LRP1B: variants seen among roughly 807,000 people sequenced by gnomAD.
LRP1B encodes the protein low-density lipoprotein receptor-related protein 1B.
In LRP1B, 217 loss-of-function variants were observed where a neutral mutation model predicts 556.6. That is an observed-to-expected ratio of 0.39 (90% CI 0.35 to 0.44). The LOEUF is 0.44. Ranked by LOEUF, LRP1B falls within the 20% of genes least tolerant of loss-of-function variation. LRP1B has a pLI of 1.00. For synonymous variants in LRP1B, 2,047 were observed against 1,865.8 expected, an observed-to-expected ratio of 1.10 and a Z score of -2.50; for missense variants, 5,053 against 5,620.8, an observed-to-expected ratio of 0.90 and a Z score of 3.23.
intron 31 of LRP1B, among the ~76,000 whole-genome samples, chr2:140,830,087 A>T (rs1197485108): frequency 6.6e-6 from 1 of 152,038 alleles, no homozygotes; most frequent in Non-Finnish European, 1.5e-5. Context: ...ACAGACCAGT[A>T]ATGAGTAATG....
intron 1 of LRP1B, among the ~76,000 whole-genome samples, chr2:142,088,800 C>A (rs902953113): frequency 6.6e-6 from 1 of 151,532 alleles, no homozygotes; most frequent in African/African-American, 2.4e-5. Flanking sequence ...ACAGTGAAAC[C>A]CCGTCTCTAC....
chr2:141,141,451 CT>C, intron 7 of LRP1B, among the ~76,000 whole-genome samples: 1 of 152,246 alleles, frequency 6.6e-6, no homozygotes, highest in South Asian at 2.1e-4. Flanking sequence ...TGATAACTTA[CT>C]TCTTTTTAAA....
intron 2 of LRP1B, among the ~76,000 whole-genome samples, chr2:141,539,318 A>C (rs2105206350): frequency 6.6e-6 from 1 of 152,286 alleles, no homozygotes; most frequent in Admixed American, 6.5e-5. Flanking sequence ...GGTCATTTTA[A>C]TGTGCTTTTA....
chr2:141,738,402 A>G (rs558220485), intron 2 of LRP1B, among the ~76,000 whole-genome samples: 64 of 152,280 alleles, frequency 4.2e-4, no homozygotes, highest in African/African-American at 1.5e-3. Context: ...GTACAGCTGC[A>G]CAGTTGAACA....
chr2:141,677,267 A>G (rs980973795), intron 2 of LRP1B, among the ~76,000 whole-genome samples: 3 of 152,086 alleles, frequency 2.0e-5, no homozygotes, highest in Non-Finnish European at 2.9e-5. Context: ...AAAAAGAGGA[A>G]CCCAGGGTGG....
intron 2 of LRP1B, among the ~76,000 whole-genome samples, chr2:141,801,253 A>G (rs1451770351): frequency 6.6e-6 from 1 of 152,136 alleles, no homozygotes; most frequent in East Asian, 1.9e-4. Context: ...TACTTAGGTC[A>G]AGTATACAAG....
intron 2 of LRP1B, among the ~76,000 whole-genome samples, chr2:141,720,724 AT>A: frequency 6.6e-6 from 1 of 151,976 alleles, no homozygotes; most frequent in South Asian, 2.1e-4. Flanking sequence ...CAAGTTGTTG[AT>A]TTAGTTGTGA....
chr2:140,702,382 T>G, intron 38 of LRP1B, 45 bp downstream of exon 38: 1 of 1,608,790 alleles, frequency 6.2e-7, no homozygotes, highest in Non-Finnish European at 8.5e-7. Context: ...TAAATTAAAG[T>G]TGTCAGTTAA....
chr2:141,331,552 C>CT (rs1573817128), intron 3 of LRP1B, among the ~76,000 whole-genome samples: 2 of 143,074 alleles, frequency 1.4e-5, no homozygotes, highest in Non-Finnish European at 1.5e-5. Context: ...TTCTTTCTTT[C>CT]TTATTTGGGA....
intron 2 of LRP1B, among the ~76,000 whole-genome samples, chr2:141,602,128 T>G (rs1006078836): frequency 8.6e-5 from 13 of 152,010 alleles, no homozygotes; most frequent in African/African-American, 3.1e-4. Context: ...TCCGTGGAAG[T>G]TGAATTAGAA....
At chr2:141,171,829 A>G (rs1211800140) in intron 7 of LRP1B, among the ~76,000 whole-genome samples, 1 of 152,222 alleles carries the variant, frequency 6.6e-6, no homozygotes, top group South Asian at 2.1e-4. Context: ...AACACTGTGA[A>G]GATTGCGTGG....
At chr2:140,512,693 A>G (rs1689717973) in intron 51 of LRP1B, among the ~76,000 whole-genome samples, 1 of 152,160 alleles carries the variant, frequency 6.6e-6, no homozygotes, top group Non-Finnish European at 1.5e-5. Flanking sequence ...ATTCCAAATC[A>G]GAATCACTAT....
At chr2:140,595,112 A>C (rs757297959) in intron 43 of LRP1B, among the ~76,000 whole-genome samples, 8,801 of 81,538 alleles carry the variant, frequency 0.11, 548 homozygotes, top group Non-Finnish European at 0.14. Flanking sequence ...ATATATATAT[A>C]TATATATATA....
Position 140,501,865 on chromosome 2 carries a change from C to T in LRP1B, c.8672G>A (p.Cys2891Tyr), listed in dbSNP as rs2104891962. 6.3e-7 allele frequency: 1 copy of T among 1,592,700 alleles called. No individual in the cohort carries two copies. The highest frequency in any genetic ancestry group is 8.6e-7 in the Non-Finnish European group (1 of 1,168,838). Reference protein sequence around the residue: ...NPKCKSAEQSCNSSFFMCKNG... With the variant: ...NPKCKSAEQSYNSSFFMCKNG... ...TTTGCACATAAAAAATGAACTGTTGCATGACTGTTCTGGAAAAAAAATAAA... is the reference window on the plus strand; with the variant it reads ...TTTGCACATAAAAAATGAACTGTTGTATGACTGTTCTGGAAAAAAAATAAA... The change falls in exon 55 of 91, where the codon TGC becomes TAC. Residue 2891 changes from cysteine (C) to tyrosine (Y), a missense_variant. Cys to Tyr is a radical substitution (Grantham distance 194). Around this residue, in one of 5 missense-constraint regions of LRP1B, gnomAD observed 3,619 missense variants for 3,931.9 expected, o/e 0.92. Coordinates refer to ENST00000389484, the MANE Select transcript of LRP1B (RefSeq NM_018557.3).
chr2:142,050,041 T>C (rs1003375158), intron 1 of LRP1B, among the ~76,000 whole-genome samples: 2 of 152,156 alleles, frequency 1.3e-5, no homozygotes, highest in Non-Finnish European at 2.9e-5. Flanking sequence ...CTTTTCAATT[T>C]GGACACTAAG....
At chr2:141,137,119 A>C (rs944102797) in intron 7 of LRP1B, among the ~76,000 whole-genome samples, 1 of 151,936 alleles carries the variant, frequency 6.6e-6, no homozygotes, top group Admixed American at 6.6e-5. Flanking sequence ...TGTAGGTAAT[A>C]CTCTAATTTC....
chr2:142,078,409 A>T (rs1455878582), intron 1 of LRP1B, among the ~76,000 whole-genome samples: 1 of 152,136 alleles, frequency 6.6e-6, no homozygotes, highest in Non-Finnish European at 1.5e-5. Context: ...ACAGTTGGCG[A>T]CCACAATAAT....
In LRP1B at chr2:140,325,379, T is replaced by C. The variant is rs547699285; in HGVS notation, c.12340+383A>G. The stretch of plus-strand genomic sequence containing the variant: ...TCGGTGGTAACAATCATTACTGTGA[T>C]ATTTTGCTACATACAGTAACTCATT... On this transcript the variant is annotated intron_variant, in intron 80 of 90. Transcript: ENST00000389484. 1.6e-4 allele frequency among the ~76,000 whole-genome samples: 25 copies of C among 152,218 alleles called. No homozygotes were observed. The South Asian group carries it at 3.5e-3, about 21-fold the overall frequency.
chr2:141,382,533 ACATAACCTGCC>A (rs1295748703), intron 3 of LRP1B, among the ~76,000 whole-genome samples: 4 of 152,166 alleles, frequency 2.6e-5, no homozygotes, highest in Non-Finnish European at 5.9e-5. Flanking sequence ...GAAGTCGGGG[ACATAACCTGCC>A]AGCGCAGAGG....
Sources: allele counts gnomAD v4.1 joint callset (sites outside exome capture counted in the v4.1 genomes callset), GRCh38; gene constraint gnomAD v4.1.1; regional missense constraint gnomAD v4.1.1; transcripts MANE v1.5; gene names NCBI Gene and HGNC (gene_info 2026-07-23, HGNC 2026-07-21).